FAM135A: variants seen among roughly 807,000 people sequenced by gnomAD.
FAM135A encodes the protein family with sequence similarity 135 member A, also known as protein FAM135A.
In FAM135A, 79 loss-of-function variants were observed where a neutral mutation model predicts 146.8. The observed-to-expected ratio is 0.54, with a 90% confidence interval of 0.45 to 0.65. The LOEUF is 0.65. FAM135A is among the 30% of genes least tolerant of loss of function. FAM135A has a pLI of 0.00. For missense variants in FAM135A, 1,623 were observed against 1,758.2 expected (o/e 0.92, Z 1.38); for synonymous variants, 562 against 603.6 (o/e 0.93, Z 1.01).
At chr6:70,522,431 C>T in intron 12 of FAM135A, 82 bp from the exon 13 acceptor site, 1 of 1,133,222 alleles carries the variant, frequency 8.8e-7, no homozygotes, top group South Asian at 1.3e-5. Context: ...GTAATGGAGG[C>T]AGTTTCTCTC....
In FAM135A at chr6:70,475,165, A is replaced by G. The variant is rs549361797; in HGVS notation, c.158-245A>G. Among the ~76,000 whole-genome samples the G allele has an allele frequency of 9.8e-5, 15 of 152,326 alleles. No individual in the cohort carries two copies. The South Asian group carries it at 3.1e-3, about 32-fold the overall frequency. ...TGTTCACTCTAAAATTTCTGCTTCG[A>G]TATTTCCTCATTTACCTTTCAGATT... On this transcript the variant is annotated intron_variant, in intron 5 of 21. Transcript: ENST00000418814.
chr6:70,419,829 C>T (rs1768406840), intron 2 of FAM135A, among the ~76,000 whole-genome samples: 1 of 152,134 alleles, frequency 6.6e-6, no homozygotes, highest in South Asian at 2.1e-4. Flanking sequence ...AATATGGCCC[C>T]TGAATCCACG....
At chr6:70,424,777 C>T (rs1769670070) in intron 2 of FAM135A, among the ~76,000 whole-genome samples, 1 of 152,134 alleles carries the variant, frequency 6.6e-6, no homozygotes, top group Non-Finnish European at 1.5e-5. Context: ...TTTTCATGTA[C>T]TTTTTCTGGG....
intron 5 of FAM135A, among the ~76,000 whole-genome samples, chr6:70,470,385 C>T (rs1781371481): frequency 6.6e-6 from 1 of 151,988 alleles, no homozygotes; most frequent in Admixed American, 6.6e-5. Flanking sequence ...GATGGAGTTT[C>T]ACCCTGTTGC....
chr6:70,546,163 T>C (rs972631505), intron 20 of FAM135A, among the ~76,000 whole-genome samples: 8 of 152,202 alleles, frequency 5.3e-5, no homozygotes, highest in Admixed American at 2.0e-4. Flanking sequence ...CAAAATAGAA[T>C]ATATAGGTTC....
At position 70,526,142 on chromosome 6, in the gene FAM135A, C is replaced by T; in HGVS notation, c.3058C>T (p.His1020Tyr). Reference sequence around the variant, plus strand: ...AATCCCTACAGTTGAAAGTGAAACTCATCTGGGTACAAGTGATCCTTTTTC... The same window carrying T: ...AATCCCTACAGTTGAAAGTGAAACTTATCTGGGTACAAGTGATCCTTTTTC... ...SEIPTVESET[H>Y]LGTSDPFSAS... Residue 1020 changes from histidine (H) to tyrosine (Y), a missense_variant, in exon 15 of 22, where the codon CAT becomes TAT. His to Tyr is a moderately conservative substitution (Grantham distance 83, BLOSUM62 2). This residue lies in a region of FAM135A where 1,061 missense variants were observed against 1,113.8 expected (regional missense o/e 0.95). Coordinates refer to ENST00000418814, the MANE Select transcript of FAM135A (RefSeq NM_001162529.3). 1.2e-6 allele frequency: 2 copies of T among 1,613,528 alleles called. No homozygotes were observed. The highest frequency in any genetic ancestry group is 1.7e-6 in the Non-Finnish European group (2 of 1,179,644).
intron 9 of FAM135A, 50 bp from the exon 10 acceptor site, chr6:70,481,951 A>G: frequency 6.6e-7 from 1 of 1,511,154 alleles, no homozygotes; most frequent in South Asian, 1.3e-5. Flanking sequence ...TTTCACATGT[A>G]ACATTTTGTA....
intron 4 of FAM135A, among the ~76,000 whole-genome samples, chr6:70,441,562 G>A (rs1245620198): frequency 6.6e-6 from 1 of 152,106 alleles, no homozygotes; most frequent in African/African-American, 2.4e-5. Flanking sequence ...CAGACCTGGA[G>A]TCAGCCAAGG....
chr6:70,497,558 C>G (rs1207561462), intron 11 of FAM135A, among the ~76,000 whole-genome samples: 1 of 152,176 alleles, frequency 6.6e-6, no homozygotes, highest in Non-Finnish European at 1.5e-5. Context: ...TGAGAGAGGG[C>G]ATCCTTGTCT....
chr6:70,459,946 G>A (rs568731063), intron 5 of FAM135A, among the ~76,000 whole-genome samples: 9 of 152,122 alleles, frequency 5.9e-5, no homozygotes, highest in African/African-American at 9.7e-5. Flanking sequence ...CAAGAGAATC[G>A]CTTGAACCTG....
At chr6:70,450,017 G>A (rs1267387869) in intron 4 of FAM135A, among the ~76,000 whole-genome samples, 1 of 152,066 alleles carries the variant, frequency 6.6e-6, no homozygotes, top group East Asian at 1.9e-4. Context: ...TGGAGATGTT[G>A]AGCATTTTTT....
chr6:70,515,478 T>C (rs182903146), intron 12 of FAM135A, among the ~76,000 whole-genome samples: 13 of 152,306 alleles, frequency 8.5e-5, no homozygotes, highest in Non-Finnish European at 1.8e-4. Context: ...CTTGAAAGCA[T>C]ATTGCAGGCT....
intron 20 of FAM135A, among the ~76,000 whole-genome samples, chr6:70,546,401 C>G (rs943353603): frequency 6.6e-5 from 10 of 152,144 alleles, no homozygotes; most frequent in Non-Finnish European, 1.2e-4. Context: ...AATTACTTGT[C>G]TAAATCAAAA....
rs950653732 is a variant in FAM135A at position 70,413,563 on chromosome 6, C to A, written c.-359C>A. ...CGGTGACGAACCGGCTCCGCGGTTGCGGTGTTTGCGGTTGCTGTGATGGCG... is the reference window on the plus strand; with the variant it reads ...CGGTGACGAACCGGCTCCGCGGTTGAGGTGTTTGCGGTTGCTGTGATGGCG... On this transcript the variant is annotated 5_prime_UTR_variant, in exon 1 of 22. Transcript: ENST00000418814. The A allele has an allele frequency of 6.4e-6, 1 of 155,100 alleles. No individual in the cohort carries two copies. The highest frequency in any genetic ancestry group is 1.4e-5 in the Non-Finnish European group (1 of 70,310). 9.6% of individuals were successfully genotyped at this position (155,100 alleles called of 1,614,324 possible). A position where few individuals can be genotyped will look rare whatever the true frequency, so the allele number is the denominator to read the frequency against.
chr6:70,512,377 A>G (rs1409119348), intron 12 of FAM135A, among the ~76,000 whole-genome samples: 1 of 151,878 alleles, frequency 6.6e-6, no homozygotes, highest in Non-Finnish European at 1.5e-5. Context: ...TTGCTTACAT[A>G]CATAGGAGTA....
At chr6:70,421,218 C>T (rs1418931918) in intron 2 of FAM135A, among the ~76,000 whole-genome samples, 1 of 151,930 alleles carries the variant, frequency 6.6e-6, no homozygotes, top group East Asian at 1.9e-4. Context: ...ACATTTTTAA[C>T]TATTAAGGTA....
intron 10 of FAM135A, 88 bp from the exon 11 acceptor site, chr6:70,490,946 C>T (rs1457267370): frequency 1.6e-5 from 15 of 918,310 alleles, no homozygotes; most frequent in Non-Finnish European, 2.4e-5. Context: ...CCAGATCATT[C>T]TTAATTTTCA....
At chr6:70,527,506 G>A (rs532441500) in intron 15 of FAM135A, among the ~76,000 whole-genome samples, 37 of 152,174 alleles carry the variant, frequency 2.4e-4, no homozygotes, top group Admixed American at 1.2e-3. Context: ...GGAAAATAAA[G>A]TTTATATCAC....
intron 11 of FAM135A, among the ~76,000 whole-genome samples, chr6:70,498,179 G>A (rs192787670): frequency 6.0e-4 from 92 of 152,156 alleles, no homozygotes; most frequent in African/African-American, 2.0e-3. Context: ...TCAGGGATTC[G>A]ATATCTTCCT....
Sources: gnomAD v4.1 joint callset for allele counts (sites outside exome capture counted in the v4.1 genomes callset) on GRCh38, gnomAD v4.1.1 for gene constraint, gnomAD v4.1.1 regional missense constraint, MANE v1.5 for transcripts, NCBI Gene and HGNC (gene_info 2026-07-23, HGNC 2026-07-21) for gene names.